The following ZC3HAV1L variants were observed in gnomAD, a reference collection of about 807,000 sequenced individuals.
ZC3HAV1L encodes ZC3HAV1 like, also known as zinc finger CCCH-type antiviral protein 1-like.
In ZC3HAV1L, 23 loss-of-function variants were observed where a neutral mutation model predicts 28.2. The ratio of observed to expected loss-of-function variants is 0.82; its 90% CI spans 0.59 to 1.16. The LOEUF is 1.16. Among genes scored for constraint, ZC3HAV1L ranks in the 50% most tolerant of loss-of-function variants. The probability of loss-of-function intolerance (pLI) is 0.00; values close to 1 mark genes in which losing one functional copy is unlikely to be tolerated. For synonymous variants in ZC3HAV1L, 180 were observed against 163.4 expected (o/e 1.10, Z -0.78); for missense variants, 376 against 387.7 (o/e 0.97, Z 0.25).
chr7:139,028,597 C>T, intron 3 of ZC3HAV1L, 105 bp downstream of exon 3: 1 of 1,429,966 alleles, frequency 7.0e-7, no homozygotes, highest in South Asian at 1.4e-5. Context: ...ATAGGAACTG[C>T]TTTGCCCCCA....
intron 1 of ZC3HAV1L, chr7:139,035,124 T>C (rs534095231): frequency 2.0e-6 from 2 of 985,344 alleles, no homozygotes; most frequent in Non-Finnish European, 2.4e-6. Context: ...ACCCCAGCTC[T>C]GGCAGTCAGG....
intron 2 of ZC3HAV1L, among the ~76,000 whole-genome samples, 152 bp downstream of exon 2, chr7:139,034,390 TG>T (rs373431154): frequency 3.9e-5 from 6 of 152,346 alleles, no homozygotes; most frequent in South Asian, 4.1e-4. Context: ...TATTTCGCCA[TG>T]ATAGCAATTA....
In ZC3HAV1L at chr7:139,028,744, T is replaced by A; in HGVS notation, c.718A>T (p.Thr240Ser). Residue 240 changes from threonine to serine, a missense_variant, in exon 3 of 5, where the codon ACC becomes TCC. Transcript: ENST00000275766. ...TTGTGCAGCTTCATATGCTTGTAGG[T>A]GGAGATTATCTGAAAATTAACAACA... ...PSVVNFQIIS[T>S]YKHMKLHKML... The A allele has an allele frequency of 2.5e-6, 4 of 1,614,182 alleles. No individual in the cohort carries two copies. The highest frequency in any genetic ancestry group is 3.4e-6 in the Non-Finnish European group (4 of 1,180,022).
downstream of ZC3HAV1L, among the ~76,000 whole-genome samples, chr7:139,024,762 T>C (rs995151146): frequency 1.3e-5 from 2 of 152,198 alleles, no homozygotes; most frequent in South Asian, 4.1e-4. Context: ...TAATTTAGCT[T>C]TATGAAAACT....
At chr7:139,026,654 T>A in intron 4 of ZC3HAV1L, 54 bp downstream of exon 4, 5 of 1,612,482 alleles carry the variant, frequency 3.1e-6, no homozygotes, top group South Asian at 2.2e-5. Flanking sequence ...TGTTTTCAGA[T>A]CTTCCAAGCT....
downstream of ZC3HAV1L, among the ~76,000 whole-genome samples, chr7:139,024,829 AAAC>A (rs1442084538): frequency 2.0e-5 from 3 of 152,250 alleles, no homozygotes; most frequent in East Asian, 1.9e-4. Flanking sequence ...TTGAATTTAA[AAAC>A]AACAACAACA....
rs1331604346 is a variant in ZC3HAV1L, at chr7:139,028,701, C to T, written c.760+1G>A. ...TCTCTGTCCTTCTTGGATATTCCTA[C>T]CTGTATTTTCAAGCATCTTGTGCAG... On this transcript the variant is annotated splice_donor_variant, in intron 3 of 4. Transcript: ENST00000275766. LOFTEE classifies it high-confidence loss of function. 8 of 1,612,844 alleles carry T rather than the reference C, an allele frequency of 5.0e-6. No homozygotes were observed. The highest frequency in any genetic ancestry group is 6.8e-6 in the Non-Finnish European group (8 of 1,179,026).
downstream of ZC3HAV1L, chr7:139,022,478 CA>C: frequency 2.6e-6 from 1 of 378,100 alleles, no homozygotes; most frequent in South Asian, 2.0e-5. Flanking sequence ...CCTGAGAAAT[CA>C]AGGCTGCAGG....
rs772377521 is a variant in ZC3HAV1L at position 139,028,745 on chromosome 7, G to A, written c.717C>T (p.Ser239=). 4 of 1,614,006 alleles carry A rather than the reference G, an allele frequency of 2.5e-6. No individual in the cohort carries two copies. In the African/African-American group the frequency reaches 5.3e-5, roughly 22 times the overall value. ...TGTGCAGCTTCATATGCTTGTAGGT[G>A]GAGATTATCTGAAAATTAACAACAC... ...IPSVVNFQII[S]TYKHMKLHKM... Residue 239 remains serine, a synonymous_variant, in exon 3 of 5, where the codon TCC becomes TCT. Coordinates refer to ENST00000275766, the MANE Select transcript of ZC3HAV1L (RefSeq NM_080660.4).
chr7:139,028,666 C>T (rs778354678), intron 3 of ZC3HAV1L, 36 bp downstream of exon 3: 37 of 1,597,808 alleles, frequency 2.3e-5, no homozygotes, highest in African/African-American at 6.7e-5. Context: ...AAAACCATAT[C>T]GCTGATACTT....
At position 139,035,610 on chromosome 7, in the gene ZC3HAV1L, C is replaced by G. The variant is rs769004458; in HGVS notation, c.365+43G>C. 44 of 1,355,254 alleles carry G rather than the reference C, an allele frequency of 3.2e-5. No individual in the cohort carries two copies. In the African/African-American group the frequency reaches 6.1e-4, roughly 19 times the overall value. 84.0% of individuals were successfully genotyped at this position (1,355,254 alleles called of 1,614,324 possible). On this transcript the variant is annotated intron_variant, in intron 1 of 4. Transcript: ENST00000275766. ...CCGCTTCCAGCAGGACGGCCAGGCC[C>G]GCGGCCAGCGCCCACAGTCCCCGCC...
intron 2 of ZC3HAV1L, among the ~76,000 whole-genome samples, chr7:139,031,615 T>C (rs757889144): frequency 1.3e-5 from 2 of 148,362 alleles, no homozygotes; most frequent in Non-Finnish European, 3.0e-5. Flanking sequence ...CAAAAAAAAG[T>C]ATCTGGGGGC....
At chr7:139,031,927 T>C (rs2130634677) in intron 2 of ZC3HAV1L, among the ~76,000 whole-genome samples, 1 of 151,632 alleles carries the variant, frequency 6.6e-6, no homozygotes, top group South Asian at 2.1e-4. Context: ...CAAAAAAAAG[T>C]AGCTGGGTGC....
chr7:139,032,267 C>T (rs571464621), intron 2 of ZC3HAV1L, among the ~76,000 whole-genome samples: 24 of 152,038 alleles, frequency 1.6e-4, no homozygotes, highest in Middle Eastern at 3.4e-3. Flanking sequence ...ATATGTAGGT[C>T]GAAGGGAACA....
chr7:139,034,759 A>T, intron 1 of ZC3HAV1L, 81 bp from the exon 2 acceptor site: 2 of 1,566,400 alleles, frequency 1.3e-6, no homozygotes, highest in South Asian at 2.4e-5. Context: ...GCAGCTTTCA[A>T]TGTATTTAAT....
Position 139,036,037 on chromosome 7 carries a change from G to C in ZC3HAV1L, c.-20C>G, listed in dbSNP as rs921432014. 13 of 1,478,476 alleles carry C rather than the reference G, an allele frequency of 8.8e-6. No homozygotes were observed. Among genetic ancestry groups the C allele is most frequent in the Non-Finnish European group, 1.1e-5 (12 of 1,123,782 alleles). 91.6% of individuals were successfully genotyped at this position (1,478,476 alleles called of 1,614,324 possible). ...CGCCATGGTCGCTGGCGCGGGCCCT[G>C]TGCGCGCGGCGCAGCGAGCCGGGGC... On this transcript the variant is annotated 5_prime_UTR_variant, in exon 1 of 5. Coordinates refer to ENST00000275766, the MANE Select transcript of ZC3HAV1L (RefSeq NM_080660.4).
In ZC3HAV1L at chr7:139,034,637, T is replaced by A; in HGVS notation, c.407A>T (p.Asn136Ile). 6.2e-7 allele frequency: 1 copy of A among 1,613,978 alleles called. No individual in the cohort carries two copies. Among genetic ancestry groups the A allele is most frequent in the Non-Finnish European group, 8.5e-7 (1 of 1,179,914 alleles). The change falls in exon 2 of 5, where the codon AAC (asparagine) becomes ATC (isoleucine). Residue 136 changes from asparagine (N) to isoleucine (I), a missense_variant. Asn to Ile is a moderately radical substitution (Grantham distance 149). Transcript: ENST00000275766. The part of the protein sequence containing the change: ...TLSHDIHTPV[N>I]MQVLKSHGLF... ...TCCATGGCTTTTCAGGACCTGCATG[T>A]TGACAGGTGTGTGGATATCATGGGA... is the stretch of plus-strand genomic sequence containing the variant.
In ZC3HAV1L at chr7:139,028,774, G is replaced by C; in HGVS notation, c.688C>G (p.Pro230Ala). 3.7e-6 allele frequency: 6 copies of C among 1,614,136 alleles called. No individual in the cohort carries two copies. The highest frequency in any genetic ancestry group is 4.2e-6 in the Non-Finnish European group (5 of 1,180,032). The change falls in exon 3 of 5, where the codon CCA becomes GCA. Residue 230 changes from proline to alanine, a missense_variant. Coordinates refer to ENST00000275766, the MANE Select transcript of ZC3HAV1L (RefSeq NM_080660.4). ...ATTATCTGAAAATTAACAACACTTG[G>C]AATATTCAGTCCTTGGTCCTGTAGC... The part of the protein sequence containing the change: ...KLLQDQGLNI[P>A]SVVNFQIIST...
intron 3 of ZC3HAV1L, 68 bp downstream of exon 3, chr7:139,028,634 C>G: frequency 6.5e-7 from 1 of 1,548,244 alleles, no homozygotes; most frequent in Non-Finnish European, 8.7e-7. Context: ...ACTGTTCTTA[C>G]TTCTTCACAG....
Sources: allele counts gnomAD v4.1 joint callset (sites outside exome capture counted in the v4.1 genomes callset), GRCh38; gene constraint gnomAD v4.1.1; transcripts MANE v1.5; gene names NCBI Gene and HGNC (gene_info 2026-07-23, HGNC 2026-07-21).